Variants in GNB1 observed in about 807,000 individuals in gnomAD.
GNB1 encodes the protein G protein subunit beta 1.
GNB1 carries 2 observed loss-of-function variants against 42.9 expected under a neutral mutation model. The ratio of observed to expected loss-of-function variants is 0.05; its 90% confidence interval spans 0.02 to 0.15. The LOEUF (loss-of-function observed/expected upper bound fraction) is 0.15. Among genes scored for constraint, GNB1 ranks in the 10% least tolerant of loss-of-function variants. GNB1 has a pLI of 1.00. For synonymous variants in GNB1, 183 were observed against 174.7 expected (o/e 1.05, Z -0.38); for missense variants, 193 against 462.2 (o/e 0.42, Z 5.34).
chr1:1,862,362 T>C (rs976614806), intron 1 of GNB1, among the ~76,000 whole-genome samples: 4 of 152,176 alleles, frequency 2.6e-5, no homozygotes, highest in Non-Finnish European at 5.9e-5. Flanking sequence ...AGGAGATGAT[T>C]ACAACAGTCT....
In GNB1 at chr1:1,785,489, C is replaced by G. The variant is rs1646391064; in HGVS notation, c.*1574G>C. On this transcript the variant is annotated 3_prime_UTR_variant, in exon 12 of 12. Transcript: ENST00000378609. Reference sequence around the variant, plus strand: ...TCATTTGTATTCTCTTTGCCAGATCCAGGCCTACCGCAAGGTCACAGCACA... The same window carrying G: ...TCATTTGTATTCTCTTTGCCAGATCGAGGCCTACCGCAAGGTCACAGCACA... 6.5e-6 allele frequency: 1 copy of G among 153,292 alleles called. No individual in the cohort carries two copies. The highest frequency in any genetic ancestry group is 2.1e-4 in the South Asian group (1 of 4,826). 9.5% of individuals were successfully genotyped at this position (153,292 alleles called of 1,614,324 possible).
intron 7 of GNB1, among the ~76,000 whole-genome samples, chr1:1,798,711 C>CT (rs1557885872): frequency 6.6e-6 from 1 of 152,062 alleles, no homozygotes; most frequent in South Asian, 2.1e-4. Flanking sequence ...TGGAAATAAG[C>CT]TTTTTTTGGA....
intron 1 of GNB1, among the ~76,000 whole-genome samples, chr1:1,860,262 C>G (rs187147218): frequency 6.6e-5 from 10 of 152,072 alleles, no homozygotes; most frequent in African/African-American, 2.2e-4. Flanking sequence ...CAAAAATAGA[C>G]AATGGGGACT....
At chr1:1,831,207 C>T (rs543545978) in intron 2 of GNB1, among the ~76,000 whole-genome samples, 2 of 152,070 alleles carry the variant, frequency 1.3e-5, no homozygotes, top group Admixed American at 6.6e-5. Flanking sequence ...TATCGTGGAA[C>T]GTGCCTGTAG....
chr1:1,798,686 A>G (rs1037313617), intron 7 of GNB1, among the ~76,000 whole-genome samples: 2 of 152,052 alleles, frequency 1.3e-5, no homozygotes, highest in African/African-American at 4.8e-5. Context: ...AAAATCTGAG[A>G]CTGGATCAGA....
chr1:1,826,667 G>A (rs1647003752), intron 2 of GNB1, among the ~76,000 whole-genome samples: 1 of 152,104 alleles, frequency 6.6e-6, no homozygotes, highest in Non-Finnish European at 1.5e-5. Flanking sequence ...GTGAGCCCTG[G>A]GATCCCAGGA....
chr1:1,805,457 G>A (rs925160458), intron 6 of GNB1, among the ~76,000 whole-genome samples: 7 of 151,940 alleles, frequency 4.6e-5, no homozygotes, highest in African/African-American at 4.8e-5. Context: ...GCAATGCTCC[G>A]TCTCAAAAAC....
intron 2 of GNB1, among the ~76,000 whole-genome samples, chr1:1,826,441 A>G (rs1482947193): frequency 6.6e-6 from 1 of 152,018 alleles, no homozygotes; most frequent in Non-Finnish European, 1.5e-5. Flanking sequence ...AAAACCTGAC[A>G]CTTAGGATAG....
chr1:1,874,590 G>A (rs1201819462), intron 1 of GNB1, among the ~76,000 whole-genome samples: 2 of 111,144 alleles, frequency 1.8e-5, no homozygotes, highest in Non-Finnish European at 3.4e-5. Context: ...CTGGGAAGCA[G>A]AGCAAGACTC....
intron 1 of GNB1, among the ~76,000 whole-genome samples, chr1:1,848,518 C>T (rs1342435436): frequency 2.0e-5 from 3 of 152,192 alleles, no homozygotes; most frequent in African/African-American, 7.2e-5. Flanking sequence ...CTTTCTCCTC[C>T]TCAGCCTCAA....
chr1:1,841,219 C>T (rs184286813), intron 1 of GNB1, among the ~76,000 whole-genome samples: 29 of 151,720 alleles, frequency 1.9e-4, no homozygotes, highest in Admixed American at 3.9e-4. Context: ...GACAGATTCT[C>T]ACTCTGTCAC....
At chr1:1,858,202 A>C (rs1420863893) in intron 1 of GNB1, among the ~76,000 whole-genome samples, 1 of 152,244 alleles carries the variant, frequency 6.6e-6, no homozygotes. Context: ...TATGTCAAAA[A>C]CAGGAGAGAA....
intron 8 of GNB1, among the ~76,000 whole-genome samples, chr1:1,791,580 T>A (rs1646482261): frequency 6.6e-6 from 1 of 152,176 alleles, no homozygotes; most frequent in Non-Finnish European, 1.5e-5. Flanking sequence ...AGGACAGCTG[T>A]GAGGGCCACA....
At chr1:1,863,720 A>G (rs915552355) in intron 1 of GNB1, among the ~76,000 whole-genome samples, 25 of 152,374 alleles carry the variant, frequency 1.6e-4, no homozygotes, top group African/African-American at 4.6e-4. Flanking sequence ...CAAATTTCAG[A>G]TATCACACAC....
intron 1 of GNB1, among the ~76,000 whole-genome samples, chr1:1,869,864 T>TTTTC (rs995207181): frequency 6.6e-6 from 1 of 152,116 alleles, no homozygotes; most frequent in African/African-American, 2.4e-5. Context: ...AAAAACAATC[T>TTTTC]TTTCTTTTTT....
intron 5 of GNB1, among the ~76,000 whole-genome samples, chr1:1,812,052 C>A (rs1402589124): frequency 6.7e-6 from 1 of 149,504 alleles, no homozygotes; most frequent in Non-Finnish European, 1.5e-5. Flanking sequence ...GGTGACAGAG[C>A]GAGACTCCGT....
chr1:1,840,931 C>T (rs1647224381), intron 1 of GNB1, among the ~76,000 whole-genome samples: 1 of 152,192 alleles, frequency 6.6e-6, no homozygotes, highest in Admixed American at 6.5e-5. Context: ...CTCGCTCTGT[C>T]ACCAGGCTGG....
intron 5 of GNB1, among the ~76,000 whole-genome samples, chr1:1,808,643 T>A (rs1207734150): frequency 8.3e-5 from 7 of 84,658 alleles, no homozygotes; most frequent in Non-Finnish European, 1.9e-4. Context: ...TTTGTTTGTT[T>A]TTGTTTGTTT....
intron 5 of GNB1, among the ~76,000 whole-genome samples, chr1:1,811,197 C>T (rs1294489293): frequency 6.6e-6 from 1 of 151,650 alleles, no homozygotes; most frequent in Non-Finnish European, 1.5e-5. Flanking sequence ...GCGATTCTCC[C>T]ACCTCAGCCT....
Sources: gnomAD v4.1 joint callset for allele counts (sites outside exome capture counted in the v4.1 genomes callset) on GRCh38, gnomAD v4.1.1 for gene constraint, MANE v1.5 for transcripts, NCBI Gene and HGNC (gene_info 2026-07-23, HGNC 2026-07-21) for gene names.